Variants in ZNF782 observed in about 807,000 individuals in gnomAD.
The protein encoded by ZNF782 is zinc finger protein 782.
In ZNF782, 12 loss-of-function variants were observed where a neutral mutation model predicts 13.0. The observed-to-expected ratio is 0.92, with a 90% CI of 0.59 to 1.50. The LOEUF is 1.50. Among genes scored for constraint, ZNF782 ranks in the 40% most tolerant of loss-of-function variants. The pLI is 0.00. For missense variants in ZNF782, 770 were observed against 822.9 expected, an observed-to-expected ratio of 0.94 and a Z score of 0.79; for synonymous variants, 284 against 283.0, an observed-to-expected ratio of 1.00 and a Z score of -0.04.
intron 2 of ZNF782, chr9:96,861,519 A>C (rs902475993): frequency 6.5e-6 from 1 of 154,168 alleles, no homozygotes; most frequent in Non-Finnish European, 1.5e-5. Context: ...AATTAAGGGC[A>C]AAAATTACCT....
chr9:96,833,961 C>T (rs1286443426), intron 4 of ZNF782, among the ~76,000 whole-genome samples: 2 of 152,112 alleles, frequency 1.3e-5, no homozygotes, highest in African/African-American at 2.4e-5. Flanking sequence ...TGTTCTTTGA[C>T]GTATCCCCTG....
chr9:96,847,173 A>C (rs1456419743), intron 3 of ZNF782, among the ~76,000 whole-genome samples: 1 of 152,220 alleles, frequency 6.6e-6, no homozygotes, highest in East Asian at 1.9e-4. Flanking sequence ...TCTGGGATAT[A>C]GCAAAGCAGT....
At chr9:96,911,530 T>G in the ZNF782 span, among the ~76,000 whole-genome samples, 10 of 148,060 alleles carry the variant, frequency 6.8e-5, 1 homozygote, top group Middle Eastern at 7.1e-3. Flanking sequence ...TGTTTTGTTT[T>G]TTTTTTTTGA....
chr9:96,911,920 G>A, the ZNF782 span, among the ~76,000 whole-genome samples: 1 of 151,940 alleles, frequency 6.6e-6, no homozygotes, highest in Non-Finnish European at 1.5e-5. Flanking sequence ...AAAAAGGCCG[G>A]CTGGCATGGC....
At chr9:96,907,639 T>TTG in the ZNF782 span, among the ~76,000 whole-genome samples, 32 of 130,656 alleles carry the variant, frequency 2.4e-4, no homozygotes, top group South Asian at 1.0e-3. Flanking sequence ...TAGTGTCTTT[T>TTG]TGTGTGTGTG....
Position 96,819,642 on chromosome 9 carries a change from G to C in ZNF782, c.381C>G (p.Asn127Lys), listed in dbSNP as rs755975003. The stretch of plus-strand genomic sequence containing the variant: ...AAGGCATCATTCTTGCACGAAAAAT[G>C]TTTATGTCTCGATTATGTGGTTTTC... ...ISGKPHNRDINIFRARMMPCK... is the reference protein window; with the variant it reads ...ISGKPHNRDIKIFRARMMPCK... Residue 127 changes from asparagine (N) to lysine (K), a missense_variant, in exon 6 of 6, where the codon AAC (asparagine) becomes AAG (lysine). Physicochemically the swap from Asn to Lys is moderately conservative, Grantham distance 94. Coordinates refer to ENST00000481138, the MANE Select transcript of ZNF782 (RefSeq NM_001001662.3). 1 of 1,614,072 alleles carries C rather than the reference G, an allele frequency of 6.2e-7. No homozygotes were observed. Among genetic ancestry groups the C allele is most frequent in the Non-Finnish European group, 8.5e-7 (1 of 1,180,032 alleles).
At chr9:96,880,175 A>ATT (rs1000739647), upstream of ZNF782, among the ~76,000 whole-genome samples, 1 of 136,522 alleles carries the variant, frequency 7.3e-6, no homozygotes, top group African/African-American at 2.7e-5. Context: ...TAGTTTTAAG[A>ATT]TTTTTTTTTT....
At chr9:96,835,005 G>A (rs1850942437) in intron 4 of ZNF782, among the ~76,000 whole-genome samples, 1 of 152,224 alleles carries the variant, frequency 6.6e-6, no homozygotes, top group Non-Finnish European at 1.5e-5. Context: ...TATGACAGTA[G>A]AGACCATTCT....
the ZNF782 span, among the ~76,000 whole-genome samples, chr9:96,907,214 T>A: frequency 6.6e-6 from 1 of 152,136 alleles, no homozygotes; most frequent in African/African-American, 2.4e-5. Flanking sequence ...GACAAATGGA[T>A]GAACCTTGAG....
intron 4 of ZNF782, among the ~76,000 whole-genome samples, chr9:96,828,649 T>G (rs1439933059): frequency 6.6e-6 from 1 of 152,014 alleles, no homozygotes; most frequent in African/African-American, 2.4e-5. Flanking sequence ...GGGCAACACA[T>G]AGAGAGACTG....
At chr9:96,848,254 A>T (rs573639587) in intron 3 of ZNF782, among the ~76,000 whole-genome samples, 9 of 152,328 alleles carry the variant, frequency 5.9e-5, no homozygotes, top group African/African-American at 1.9e-4. Flanking sequence ...GAACAGAAAC[A>T]AGACAAGGAT....
the ZNF782 span, among the ~76,000 whole-genome samples, chr9:96,907,411 A>G: frequency 1.3e-5 from 2 of 152,174 alleles, no homozygotes; most frequent in Non-Finnish European, 2.9e-5. Context: ...AAAGTTCTGG[A>G]AATTAGTTGC....
chr9:96,865,054 TA>T (rs767408699), intron 1 of ZNF782, among the ~76,000 whole-genome samples: 3 of 149,096 alleles, frequency 2.0e-5, no homozygotes, highest in Admixed American at 6.7e-5. Context: ...TCTTAAAATT[TA>T]AAAAAAAAAT....
chr9:96,826,988 A>G, intron 5 of ZNF782, 92 bp downstream of exon 5: 1 of 795,876 alleles, frequency 1.3e-6, no homozygotes, highest in Non-Finnish European at 1.9e-6. Context: ...TTCAGTGTAT[A>G]AATTTTAACC....
upstream of ZNF782, among the ~76,000 whole-genome samples, chr9:96,856,936 A>G (rs1431574359): frequency 1.3e-5 from 2 of 152,318 alleles, no homozygotes; most frequent in South Asian, 2.1e-4. Flanking sequence ...ACAACTGACT[A>G]TGGGGAATGT....
rs1850653201 is a variant in ZNF782 at position 96,827,172 on chromosome 9, A to C, written c.152T>G (p.Phe51Cys). 4.3e-6 allele frequency: 7 copies of C among 1,609,244 alleles called. No individual in the cohort carries two copies. The highest frequency in any genetic ancestry group is 5.9e-6 in the Non-Finnish European group (7 of 1,177,574). The change falls in exon 5 of 6, where the codon TTT becomes TGT. Residue 51 changes from phenylalanine to cysteine, a missense_variant. Transcript: ENST00000481138. ...YSHLVSVGYC[F>C]TKPELIFTLE... Reference sequence around the variant, plus strand: ...TGTGAAGATCAGTTCTGGTTTTGTAAAGCAGTAGCCTATAAATGGGAAACA... The same window carrying C: ...TGTGAAGATCAGTTCTGGTTTTGTACAGCAGTAGCCTATAAATGGGAAACA...
At chr9:96,905,400 T>C in the ZNF782 span, among the ~76,000 whole-genome samples, 21 of 151,900 alleles carry the variant, frequency 1.4e-4, no homozygotes, top group African/African-American at 4.6e-4. Context: ...AGTTACTCTA[T>C]ATGGTCTAAA....
At chr9:96,875,589 C>T in exon 1 of ZNF782, 2 of 456,704 alleles carry the variant, frequency 4.4e-6, no homozygotes, top group Non-Finnish European at 8.8e-6. Flanking sequence ...TCTCCTCTGC[C>T]GCCGCGGGCA....
chr9:96,855,394 C>A (rs1478764354), upstream of ZNF782, among the ~76,000 whole-genome samples: 1 of 152,102 alleles, frequency 6.6e-6, no homozygotes, highest in Non-Finnish European at 1.5e-5. Context: ...GTCTTTTATC[C>A]CTTGCCCCGC....
Sources: allele counts gnomAD v4.1 joint callset (sites outside exome capture counted in the v4.1 genomes callset), GRCh38; gene constraint gnomAD v4.1.1; transcripts MANE v1.5; gene names NCBI Gene and HGNC (gene_info 2026-07-23, HGNC 2026-07-21).